The following HECTD2 variants were observed in gnomAD, a reference collection of about 807,000 sequenced individuals.
HECTD2 encodes HECT domain E3 ubiquitin protein ligase 2.
HECTD2 carries 35 observed loss-of-function variants against 103.2 expected under a neutral mutation model. The observed-to-expected ratio is 0.34, with a 90% CI of 0.26 to 0.45. The LOEUF is 0.45. Among genes scored for constraint, HECTD2 ranks in the 20% least tolerant of loss-of-function variants. HECTD2 has a pLI of 1.00. For synonymous variants in HECTD2, 281 were observed against 329.9 expected, an observed-to-expected ratio of 0.85 and a Z score of 1.61; for missense variants, 596 against 937.4, an observed-to-expected ratio of 0.64 and a Z score of 4.76.
chr10:91,494,730 C>T (rs890374585), intron 14 of HECTD2, among the ~76,000 whole-genome samples: 54 of 152,062 alleles, frequency 3.6e-4, no homozygotes, highest in African/African-American at 9.9e-4. Flanking sequence ...CTAGTATCTG[C>T]AGTAATCATT....
intron 1 of HECTD2, among the ~76,000 whole-genome samples, chr10:91,424,749 A>T (rs1352840027): frequency 6.6e-6 from 1 of 152,102 alleles, no homozygotes; most frequent in Non-Finnish European, 1.5e-5. Context: ...TCTAAAAAAA[A>T]ATTCTGGTAT....
chr10:91,473,358 G>A (rs1328239327), intron 5 of HECTD2, among the ~76,000 whole-genome samples: 3 of 152,136 alleles, frequency 2.0e-5, no homozygotes, highest in African/African-American at 4.8e-5. Context: ...TGTAGCCGGA[G>A]AAACTGACTT....
At chr10:91,503,715 T>G (rs533449159) in intron 20 of HECTD2, among the ~76,000 whole-genome samples, 3 of 152,156 alleles carry the variant, frequency 2.0e-5, no homozygotes, top group Non-Finnish European at 4.4e-5. Context: ...CGCCCACCAT[T>G]GCCCAGGCTT....
chr10:91,456,561 C>G (rs562524713), intron 2 of HECTD2, among the ~76,000 whole-genome samples: 7 of 152,026 alleles, frequency 4.6e-5, no homozygotes, highest in Non-Finnish European at 8.8e-5. Flanking sequence ...AATTGAATAC[C>G]CTTTATTTCT....
chr10:91,437,723 A>G (rs913782690), intron 2 of HECTD2, among the ~76,000 whole-genome samples: 1 of 133,714 alleles, frequency 7.5e-6, no homozygotes, highest in Middle Eastern at 5.2e-3. Context: ...TCAGTTTTTT[A>G]TAATAGATGA....
rs1353275641 is a variant in HECTD2 at position 91,513,748 on chromosome 10, C to CTT, written c.*1366_*1367dup. 6.6e-6 allele frequency: 1 copy of CTT among 152,538 alleles called. No individual in the cohort carries two copies. Among genetic ancestry groups the CTT allele is most frequent in the African/African-American group, 2.4e-5 (1 of 41,432 alleles). The allele number at this position is 152,538 out of a possible 1,614,324, so 9.4% of individuals were successfully genotyped here. ...GCATATGGTTCATATGCAAATAATA[C>CTT]TTTCCCCAAAATCTTTCTGGGCTAG... On this transcript the variant is annotated 3_prime_UTR_variant, in exon 21 of 21. Transcript: ENST00000298068.
intron 20 of HECTD2, among the ~76,000 whole-genome samples, chr10:91,504,260 G>A (rs1847044760): frequency 6.6e-6 from 1 of 152,232 alleles, no homozygotes; most frequent in Admixed American, 6.5e-5. Context: ...ACCAGCAACA[G>A]AACAAAGCTG....
chr10:91,438,825 C>T (rs569974074), intron 2 of HECTD2, among the ~76,000 whole-genome samples: 87 of 152,206 alleles, frequency 5.7e-4, no homozygotes, highest in African/African-American at 2.0e-3. Context: ...TCTCTAATGA[C>T]GAGTGATGAT....
intron 2 of HECTD2, among the ~76,000 whole-genome samples, chr10:91,428,787 T>A (rs1843697207): frequency 6.6e-6 from 1 of 152,058 alleles, no homozygotes; most frequent in South Asian, 2.1e-4. Flanking sequence ...GCTGAGACAA[T>A]AGGGTTTTCT....
At chr10:91,435,389 G>A (rs1430570215) in intron 2 of HECTD2, among the ~76,000 whole-genome samples, 1 of 151,982 alleles carries the variant, frequency 6.6e-6, no homozygotes, top group African/African-American at 2.4e-5. Flanking sequence ...AGTGTCCTCA[G>A]CTGAGTCAGC....
At position 91,436,476 on chromosome 10, in the gene HECTD2, A is replaced by G. The variant is rs190227100; in HGVS notation, c.268+11066A>G. ...ATTGGGAGTCTCTCTTGATTGGTCA[A>G]TCACTTAGTATTCAGTAATTAGTTG... On this transcript the variant is annotated intron_variant, in intron 2 of 20. Coordinates refer to ENST00000298068, the MANE Select transcript of HECTD2 (RefSeq NM_182765.6). Among the ~76,000 whole-genome samples, 428 of 152,050 alleles carry G rather than the reference A, an allele frequency of 2.8e-3. 2 individuals are homozygous for G. The highest frequency in any genetic ancestry group is 9.8e-3 in the African/African-American group (408 of 41,512).
chr10:91,478,210 G>T lies in HECTD2; in HGVS notation c.610G>T (p.Val204Phe). ...TTTCTTTTGCCTACAGCCTCAAGACGTTCAGAAGACAGTATTAAAGGGAAT... is the reference window on the plus strand; with the variant it reads ...TTTCTTTTGCCTACAGCCTCAAGACTTTCAGAAGACAGTATTAAAGGGAAT... ...YDTLLNTPQD[V>F]QKTVLKGIIN... is the part of the protein sequence containing the mutation. The change falls in exon 6 of 21, where the codon GTT becomes TTT. Residue 204 changes from valine (V) to phenylalanine (F), a missense_variant. Coordinates refer to ENST00000298068, the MANE Select transcript of HECTD2 (RefSeq NM_182765.6). 2 of 1,609,070 alleles carry T rather than the reference G, an allele frequency of 1.2e-6. No individual in the cohort carries two copies. The highest frequency in any genetic ancestry group is 1.1e-5 in the South Asian group (1 of 90,890).
intron 1 of HECTD2, among the ~76,000 whole-genome samples, chr10:91,412,969 G>C (rs2132958930): frequency 6.6e-6 from 1 of 152,136 alleles, no homozygotes; most frequent in Non-Finnish European, 1.5e-5. Context: ...AGAGCTCCTA[G>C]AGGTTTGCTT....
rs139876186 is a variant in HECTD2 at position 91,497,688 on chromosome 10, A to C, written c.1681-420A>C. 6.6e-3 allele frequency among the ~76,000 whole-genome samples: 1,001 copies of C among 152,212 alleles called. 11 individuals carry two copies. Among genetic ancestry groups the C allele is most frequent in the African/African-American group, 0.023 (962 of 41,540 alleles). ...CTGTGCATGTATGAACTGTATATTC[A>C]TGAATGCACATGAATGAACTGTGTG... On this transcript the variant is annotated intron_variant, in intron 15 of 20. Coordinates refer to ENST00000298068, the MANE Select transcript of HECTD2 (RefSeq NM_182765.6).
chr10:91,451,963 T>A (rs946554899), intron 2 of HECTD2, among the ~76,000 whole-genome samples: 1 of 152,082 alleles, frequency 6.6e-6, no homozygotes, highest in African/African-American at 2.4e-5. Flanking sequence ...CATTCTGTTG[T>A]TTTAGAAGGA....
At chr10:91,464,818 T>A (rs2133215521) in intron 5 of HECTD2, 1 of 152,542 alleles carries the variant, frequency 6.6e-6, no homozygotes, top group East Asian at 1.9e-4. Context: ...TACCCCAGCA[T>A]GGACCAGTCC....
intron 2 of HECTD2, among the ~76,000 whole-genome samples, chr10:91,434,201 T>A (rs1308206331): frequency 6.6e-6 from 1 of 151,976 alleles, no homozygotes; most frequent in African/African-American, 2.4e-5. Flanking sequence ...TTTTATTTTT[T>A]GCCAAATGTT....
upstream of HECTD2, chr10:91,410,305 C>T (rs1014483949): frequency 1.9e-4 from 60 of 314,272 alleles, no homozygotes; most frequent in African/African-American, 1.3e-3. Flanking sequence ...CGGGCGGGGG[C>T]GGAGTGGCGG....
At chr10:91,498,787 C>A in intron 16 of HECTD2, 85 bp from the exon 17 acceptor site, 2 of 766,632 alleles carry the variant, frequency 2.6e-6, no homozygotes, top group Non-Finnish European at 4.3e-6. Flanking sequence ...GGGAAAAAAA[C>A]TGTTTTTTAA....
Sources: gnomAD v4.1 joint callset for allele counts (sites outside exome capture counted in the v4.1 genomes callset) on GRCh38, gnomAD v4.1.1 for gene constraint, MANE v1.5 for transcripts, NCBI Gene and HGNC (gene_info 2026-07-23, HGNC 2026-07-21) for gene names.